Variants in CPM observed in about 807,000 individuals in gnomAD.
CPM encodes renal carboxypeptidase.
A neutral mutation model predicts 46.4 loss-of-function variants in CPM; 35 were observed. The observed-to-expected ratio is 0.75, with a 90% CI of 0.58 to 1.00. CPM has a LOEUF of 1.00. Among genes scored for constraint, CPM ranks in the 50% least tolerant of loss-of-function variants. CPM has a pLI of 0.00. For synonymous variants in CPM, 195 were observed against 195.3 expected (o/e 1.00, Z 0.01); for missense variants, 422 against 530.4 (o/e 0.80, Z 2.01).
chr12:68,856,380 T>C lies in CPM; in HGVS notation c.*57A>G. ...AGAGTGAGTTAGGGTTGCAGTAACC[T>C]GGAGTGAGCAATCCCTGATTCCAGG... On this transcript the variant is annotated 3_prime_UTR_variant, in exon 9 of 9. Coordinates refer to ENST00000551568, the MANE Select transcript of CPM (RefSeq NM_198320.5). 1 of 1,574,730 alleles carries C rather than the reference T, an allele frequency of 6.4e-7. No homozygotes were observed. Among genetic ancestry groups the C allele is most frequent in the Non-Finnish European group, 8.6e-7 (1 of 1,158,916 alleles).
At chr12:68,926,486 C>T (rs1888265310) in intron 2 of CPM, among the ~76,000 whole-genome samples, 1 of 152,034 alleles carries the variant, frequency 6.6e-6, no homozygotes, top group Non-Finnish European at 1.5e-5. Flanking sequence ...GTCCTAAAAC[C>T]CTCTACTAAT....
At chr12:68,961,992 A>G (rs1204656033) in intron 1 of CPM, among the ~76,000 whole-genome samples, 1 of 152,136 alleles carries the variant, frequency 6.6e-6, no homozygotes, top group Admixed American at 6.5e-5. Flanking sequence ...CGAGGTCAGC[A>G]GGTCGAGACC....
intron 5 of CPM, chr12:68,844,623 T>C (rs1884107581): frequency 4.4e-6 from 1 of 227,808 alleles, no homozygotes; most frequent in African/African-American, 2.2e-5. Flanking sequence ...ACCTCTTGAT[T>C]GTGAGGCACA....
At position 68,861,525 on chromosome 12, in the gene CPM, A is replaced by G. The variant is rs149773508; in HGVS notation, c.941-2454T>C. Among the ~76,000 whole-genome samples, 842 of 148,898 alleles carry G rather than the reference A, an allele frequency of 5.7e-3. 11 individuals are homozygous for G. The highest frequency in any genetic ancestry group is 0.02 in the African/African-American group (795 of 40,064). ...AAGCAGAGCTATCATTGAAACTGAC[A>G]TTACACAATTTTTTGTTTTTTTTTT... On this transcript the variant is annotated intron_variant, in intron 7 of 8. Transcript: ENST00000551568.
intron 2 of CPM, among the ~76,000 whole-genome samples, chr12:68,902,317 A>AAT (rs1217283225): frequency 3.3e-5 from 5 of 152,224 alleles, no homozygotes. Flanking sequence ...TTTACTTTAA[A>AAT]AAACTCCCAA....
chr12:68,906,417 C>T (rs888545451), intron 2 of CPM, among the ~76,000 whole-genome samples: 1 of 152,060 alleles, frequency 6.6e-6, no homozygotes, highest in African/African-American at 2.4e-5. Context: ...GAATACTGTA[C>T]ATTGAATCCA....
chr12:68,937,203 G>T (rs954000124), upstream of CPM, among the ~76,000 whole-genome samples: 8 of 152,182 alleles, frequency 5.3e-5, no homozygotes, highest in Non-Finnish European at 1.2e-4. Context: ...ATTTGAAGAT[G>T]TGTTGAGTTT....
rs1324516305 is a variant in CPM at position 68,852,549 on chromosome 12, CTTTTTTCTTTTTTTT to C, written c.*3873_*3887del. 1 of 138,996 alleles carries C rather than the reference CTTTTTTCTTTTTTTT, an allele frequency of 7.2e-6. No homozygotes were observed. The highest frequency in any genetic ancestry group is 1.6e-5 in the Non-Finnish European group (1 of 63,898). The allele number at this position is 138,996 out of a possible 1,614,324, so 8.6% of individuals were successfully genotyped here. On this transcript the variant is annotated 3_prime_UTR_variant, in exon 9 of 9. Transcript: ENST00000551568. ...GGGCTTCTGCCTTTTTTCTTTCTTT[CTTTTTTCTTTTTTTT>C]TTTTTGAGACAGAGGTTCGCTCTGT...
At chr12:68,920,049 T>A (rs1483248193) in intron 2 of CPM, among the ~76,000 whole-genome samples, 1 of 152,122 alleles carries the variant, frequency 6.6e-6, no homozygotes, top group African/African-American at 2.4e-5. Flanking sequence ...ATCTGGTTGT[T>A]TAAAAGCGTG....
intron 2 of CPM, among the ~76,000 whole-genome samples, chr12:68,900,868 G>A (rs1388043542): frequency 1.3e-5 from 2 of 152,228 alleles, no homozygotes; most frequent in African/African-American, 4.8e-5. Flanking sequence ...CCAAAGGCTA[G>A]TGAGGAGGGA....
intron 2 of CPM, among the ~76,000 whole-genome samples, chr12:68,904,966 T>C (rs1244391036): frequency 6.6e-6 from 1 of 152,114 alleles, no homozygotes; most frequent in African/African-American, 2.4e-5. Context: ...TGGAGTGCAA[T>C]GGTGTGATCT....
chr12:68,853,930 A>ATTC lies in CPM; in HGVS notation c.*2504_*2506dup, dbSNP rs1884848077. 6.6e-6 allele frequency: 1 copy of ATTC among 152,096 alleles called. No homozygotes were observed. The highest frequency in any genetic ancestry group is 1.9e-4 in the East Asian group (1 of 5,176). The allele number at this position is 152,096 out of a possible 1,614,324, so 9.4% of individuals were successfully genotyped here. A position where few individuals can be genotyped will look rare whatever the true frequency, so the allele number is the denominator to read the frequency against. Reference sequence around the variant, plus strand: ...TTTCTGTTTAGTGCTTTACCCCTTAATTCTTATAGGTAACGGTCTAATACA... The same window carrying ATTC: ...TTTCTGTTTAGTGCTTTACCCCTTAATTCTTCTTATAGGTAACGGTCTAATACA... On this transcript the variant is annotated 3_prime_UTR_variant, in exon 9 of 9. Transcript: ENST00000551568.
At chr12:68,950,756 C>G (rs568664559) in intron 1 of CPM, among the ~76,000 whole-genome samples, 1 of 152,118 alleles carries the variant, frequency 6.6e-6, no homozygotes, top group Non-Finnish European at 1.5e-5. Flanking sequence ...ACTAAGGTGC[C>G]GCTGTTCTTC....
chr12:68,860,412 C>A (rs771162505), intron 7 of CPM, among the ~76,000 whole-genome samples: 2 of 152,164 alleles, frequency 1.3e-5, no homozygotes, highest in East Asian at 1.9e-4. Context: ...AACCTGATTA[C>A]GCATTTATTC....
chr12:68,931,744 C>CAAA (rs1230893187), intron 2 of CPM, among the ~76,000 whole-genome samples: 19 of 36,074 alleles, frequency 5.3e-4, no homozygotes, highest in African/African-American at 1.5e-3. Context: ...AGACTCTGAC[C>CAAA]AAAAAAAAAA....
chr12:68,889,904 A>T (rs956804998), intron 2 of CPM, among the ~76,000 whole-genome samples: 2 of 152,136 alleles, frequency 1.3e-5, no homozygotes, highest in Non-Finnish European at 2.9e-5. Context: ...CCTGATCGAG[A>T]AACAGGCCAC....
At chr12:68,908,092 C>T (rs1396169786) in intron 2 of CPM, among the ~76,000 whole-genome samples, 1 of 152,202 alleles carries the variant, frequency 6.6e-6, no homozygotes, top group Non-Finnish European at 1.5e-5. Context: ...TCCCAAAGTA[C>T]TGGGAATACA....
intron 5 of CPM, 133 bp downstream of exon 5, chr12:68,870,082 G>C: frequency 1.1e-6 from 1 of 872,262 alleles, no homozygotes; most frequent in Non-Finnish European, 1.7e-6. Context: ...GGCTAGAGTT[G>C]GGAACATGAA....
intron 2 of CPM, among the ~76,000 whole-genome samples, chr12:68,912,477 C>T (rs1448902372): frequency 6.6e-6 from 1 of 152,156 alleles, no homozygotes; most frequent in Non-Finnish European, 1.5e-5. Flanking sequence ...ACCCTACCGT[C>T]TAACTTAGAA....
Sources: allele counts gnomAD v4.1 joint callset (sites outside exome capture counted in the v4.1 genomes callset), GRCh38; gene constraint gnomAD v4.1.1; transcripts MANE v1.5; gene names NCBI Gene and HGNC (gene_info 2026-07-23, HGNC 2026-07-21).